Variants in MAGEC3 observed in about 807,000 individuals in gnomAD.
MAGEC3 encodes the protein melanoma-associated antigen C3.
In MAGEC3, 34 loss-of-function variants were observed where a neutral mutation model predicts 35.3. That is an observed-to-expected ratio of 0.96 (90% confidence interval 0.73 to 1.28). The LOEUF is 1.28. Ranked by LOEUF, MAGEC3 falls within the 50% of genes most tolerant of loss-of-function variation. The pLI is 0.00. For missense variants in MAGEC3, 561 were observed against 483.6 expected, an observed-to-expected ratio of 1.16 and a Z score of -1.50; for synonymous variants, 202 against 185.6, an observed-to-expected ratio of 1.09 and a Z score of -0.72.
rs1171534175 is a variant in MAGEC3, at chrX:141,897,682, T to C, written c.1782T>C (p.Ser594=). ...EVLEFLSKLS[S]IIPSAFPSWY... is the part of the protein sequence containing the mutation. ...TAGAGTTTTTATCCAAGCTATCCAG[T>C]ATCATCCCTAGTGCCTTTCCATCCT... The change falls in exon 8 of 8, where the codon AGT becomes AGC. Residue 594 remains serine (S), a synonymous_variant. Transcript: ENST00000298296. The C allele has an allele frequency of 8.3e-7, 1 of 1,211,610 alleles. No individual in the cohort carries two copies. Among genetic ancestry groups the C allele is most frequent in the Admixed American group, 2.2e-5 (1 of 46,033 alleles).
At chrX:141,875,572 T>C (rs2017915040) in intron 2 of MAGEC3, among the ~76,000 whole-genome samples, 1 of 111,630 alleles carries the variant, frequency 9.0e-6, no homozygotes, top group Non-Finnish European at 1.9e-5. Context: ...AAAATGGTTG[T>C]GTTCACTCCT....
intron 1 of MAGEC3, among the ~76,000 whole-genome samples, chrX:141,852,780 C>G (rs991023304): frequency 4.5e-5 from 5 of 110,855 alleles, no homozygotes; most frequent in African/African-American, 1.6e-4. Flanking sequence ...TGGGATATAT[C>G]CGATTTGGTC....
At chrX:141,894,192 C>T (rs775096206) in intron 4 of MAGEC3, among the ~76,000 whole-genome samples, 7 of 111,684 alleles carry the variant, frequency 6.3e-5, no homozygotes, top group African/African-American at 9.8e-5. Flanking sequence ...GGGGACTTTT[C>T]GGGTGATGGA....
intron 2 of MAGEC3, among the ~76,000 whole-genome samples, chrX:141,878,370 C>T (rs1477392317): frequency 1.8e-5 from 2 of 111,723 alleles, no homozygotes; most frequent in Non-Finnish European, 3.8e-5. Flanking sequence ...TATTTTTTGC[C>T]GTATGTTATA....
chrX:141,875,509 T>C (rs898455163), intron 2 of MAGEC3, among the ~76,000 whole-genome samples: 2 of 110,775 alleles, frequency 1.8e-5, no homozygotes, highest in Non-Finnish European at 3.8e-5. Context: ...CTTTGAAGGC[T>C]GAATCTACGT....
chrX:141,863,448 G>T (rs2124098652), intron 1 of MAGEC3, among the ~76,000 whole-genome samples: 1 of 111,515 alleles, frequency 9.0e-6, no homozygotes, highest in South Asian at 3.7e-4. Context: ...AACAAAGAAT[G>T]AACCCTAGCT....
At chrX:141,856,653 C>A (rs961616115) in intron 1 of MAGEC3, among the ~76,000 whole-genome samples, 1 of 111,245 alleles carries the variant, frequency 9.0e-6, no homozygotes, top group African/African-American at 3.3e-5. Flanking sequence ...TGGAATCAAC[C>A]TAAGTGTTCA....
At chrX:141,871,504 A>G (rs886659018) in intron 2 of MAGEC3, among the ~76,000 whole-genome samples, 1 of 111,793 alleles carries the variant, frequency 8.9e-6, no homozygotes, top group Non-Finnish European at 1.9e-5. Flanking sequence ...CTGAGGGAAA[A>G]CGTTTTCCAG....
chrX:141,860,376 G>T (rs1030479794), intron 1 of MAGEC3, among the ~76,000 whole-genome samples: 1 of 112,179 alleles, frequency 8.9e-6, no homozygotes, highest in Admixed American at 9.4e-5. Context: ...AGTTTATGTG[G>T]AATAAAGTTT....
chrX:141,857,237 C>A (rs1225203971), intron 1 of MAGEC3, among the ~76,000 whole-genome samples: 1 of 110,245 alleles, frequency 9.1e-6, no homozygotes, highest in Non-Finnish European at 1.9e-5. Context: ...GGAAACTGGG[C>A]TCCAGAAATA....
chrX:141,860,335 A>G (rs2017807541), intron 1 of MAGEC3, among the ~76,000 whole-genome samples: 1 of 112,056 alleles, frequency 8.9e-6, no homozygotes, highest in African/African-American at 3.2e-5. Context: ...AAATGGAAAG[A>G]CAGCTTATGT....
At chrX:141,843,249 G>A (rs1222231663) in intron 1 of MAGEC3, among the ~76,000 whole-genome samples, 2 of 111,537 alleles carry the variant, frequency 1.8e-5, no homozygotes, top group African/African-American at 6.5e-5. Context: ...GTTGATCTGA[G>A]TTTAATGTAT....
chrX:141,872,848 T>C (rs2017896943), intron 2 of MAGEC3, among the ~76,000 whole-genome samples: 1 of 111,615 alleles, frequency 9.0e-6, no homozygotes, highest in African/African-American at 3.3e-5. Context: ...AGGTTAGTTG[T>C]CCTCCTCACG....
chrX:141,896,372 G>A lies in MAGEC3; in HGVS notation c.1124-510G>A, dbSNP rs1434833472. On this transcript the variant is annotated intron_variant, in intron 6 of 7. Transcript: ENST00000298296. ...CCATAGCCACCTACTGCCATTCCTG[G>A]TGCCTCAGGCTCTGCCTGCCAGCTG... 4 of 954,558 alleles carry A rather than the reference G, an allele frequency of 4.2e-6. No individual in the cohort carries two copies. The African/African-American group carries it at 7.9e-5, about 19-fold the overall frequency. 78.7% of individuals were successfully genotyped at this position (954,558 alleles called of 1,213,427 possible).
intron 2 of MAGEC3, among the ~76,000 whole-genome samples, chrX:141,866,031 C>T (rs910131696): frequency 3.6e-5 from 4 of 110,953 alleles, no homozygotes; most frequent in African/African-American, 1.3e-4. Flanking sequence ...GCAGAAGGGC[C>T]GGGGTGAAGA....
intron 3 of MAGEC3, among the ~76,000 whole-genome samples, chrX:141,879,872 AG>A (rs1307630803): frequency 9.0e-6 from 1 of 111,140 alleles, no homozygotes; most frequent in Non-Finnish European, 1.9e-5. Context: ...CCGAGGGCTG[AG>A]GGACACGTCT....
intron 4 of MAGEC3, chrX:141,894,808 C>T (rs1478047797): frequency 5.3e-6 from 5 of 947,786 alleles, no homozygotes; most frequent in African/African-American, 2.2e-5. Flanking sequence ...GAGGTGAAAA[C>T]GGAGAGGTGG....
Position 141,846,886 on chromosome X carries a change from T to C in MAGEC3, c.123+8448T>C, listed in dbSNP as rs189474881. Among the ~76,000 whole-genome samples the C allele has an allele frequency of 1.9e-3, 214 of 111,191 alleles. 1 individual carries two copies. Among genetic ancestry groups the C allele is most frequent in the African/African-American group, 5.7e-3 (177 of 30,818 alleles). On this transcript the variant is annotated intron_variant, in intron 1 of 7. Transcript: ENST00000298296. ...ATTACTCTCATTTTATGGGAAGCTG[T>C]AGTTTACTTCCACTGGACAAATTCT...
chrX:141,839,499 A>G (rs2017673695), intron 1 of MAGEC3: 28 of 753,879 alleles, frequency 3.7e-5, no homozygotes, highest in Non-Finnish European at 4.4e-5. Context: ...GGTCAAATTG[A>G]TCTTTGCTAT....
Sources: allele counts gnomAD v4.1 joint callset (sites outside exome capture counted in the v4.1 genomes callset), GRCh38; gene constraint gnomAD v4.1.1; transcripts MANE v1.5; gene names NCBI Gene and HGNC (gene_info 2026-07-23, HGNC 2026-07-21).